The following CAMTA1 variants were observed in gnomAD, a reference collection of about 807,000 sequenced individuals.
CAMTA1 encodes calmodulin-binding transcription activator 1.
CAMTA1 carries 27 observed loss-of-function variants against 170.9 expected under a neutral mutation model. The ratio of observed to expected loss-of-function variants is 0.16; its 90% CI spans 0.12 to 0.22. CAMTA1 has a LOEUF of 0.22. CAMTA1 is among the 10% of genes least tolerant of loss of function. The probability of loss-of-function intolerance (pLI) is 1.00; values close to 1 mark genes in which losing one functional copy is unlikely to be tolerated. For missense variants in CAMTA1, 1,619 were observed against 2,217.2 expected, an observed-to-expected ratio of 0.73 and a Z score of 5.42; for synonymous variants, 833 against 891.5, an observed-to-expected ratio of 0.93 and a Z score of 1.17.
At chr1:7,593,845 C>T (rs1388907173) in intron 6 of CAMTA1, among the ~76,000 whole-genome samples, 1 of 150,124 alleles carries the variant, frequency 6.7e-6, no homozygotes, top group African/African-American at 2.4e-5. Flanking sequence ...AGTTCGAGAG[C>T]AGCCTGGCCA....
chr1:7,173,074 G>A lies in CAMTA1; in HGVS notation c.303-76417G>A, dbSNP rs1002123015. Among the ~76,000 whole-genome samples the A allele has an allele frequency of 6.6e-6, 1 of 152,202 alleles. No homozygotes were observed. Among genetic ancestry groups the A allele is most frequent in the Non-Finnish European group, 1.5e-5 (1 of 68,034 alleles). ...GCGGGAGGCGCAGGGGTGAGGCTCC[G>A]AAGCAAGAGCAGCCAGACGCTGCGT... On this transcript the variant is annotated intron_variant, in intron 4 of 22. Coordinates refer to ENST00000303635, the MANE Select transcript of CAMTA1 (RefSeq NM_015215.4). The surrounding 1 kb of genome is among the most constrained non-coding windows in gnomAD (Gnocchi z 5.4).
chr1:7,265,458 C>A (rs1449264743), intron 5 of CAMTA1, among the ~76,000 whole-genome samples: 1 of 152,066 alleles, frequency 6.6e-6, no homozygotes, highest in Admixed American at 6.5e-5. Context: ...GGATTACAGG[C>A]ACCTGCCACT....
intron 3 of CAMTA1, among the ~76,000 whole-genome samples, chr1:6,956,885 G>A (rs966593994): frequency 3.9e-5 from 6 of 152,186 alleles, no homozygotes; most frequent in Admixed American, 1.3e-4. Context: ...CCCTCATCCC[G>A]AGGAGGCATG....
At chr1:6,794,880 C>CTTTTTTTTTTTTT (rs1305335139) in intron 1 of CAMTA1, among the ~76,000 whole-genome samples, 11 of 141,890 alleles carry the variant, frequency 7.8e-5, no homozygotes, top group East Asian at 4.1e-4. Context: ...TAGATAAAGG[C>CTTTTTTTTTTTTT]TTTTTTTTTG....
intron 3 of CAMTA1, among the ~76,000 whole-genome samples, chr1:6,998,269 A>G (rs1026092552): frequency 4.0e-5 from 6 of 151,424 alleles, no homozygotes; most frequent in Admixed American, 3.3e-4. Context: ...TTTAGTAGAG[A>G]CAGAGTTTCA....
At chr1:7,337,854 C>T (rs931548316) in intron 5 of CAMTA1, among the ~76,000 whole-genome samples, 15 of 152,144 alleles carry the variant, frequency 9.9e-5, no homozygotes, top group Non-Finnish European at 2.1e-4. Context: ...CTCAAGATTA[C>T]AGCATCAACT....
At chr1:6,954,554 C>T (rs534318122) in intron 3 of CAMTA1, among the ~76,000 whole-genome samples, 2 of 152,338 alleles carry the variant, frequency 1.3e-5, no homozygotes, top group South Asian at 4.1e-4. Flanking sequence ...AAGAGTCACT[C>T]TGTCCCAGCC....
chr1:7,601,553 G>A (rs1296976261), intron 6 of CAMTA1, among the ~76,000 whole-genome samples: 1 of 152,254 alleles, frequency 6.6e-6, no homozygotes, highest in Non-Finnish European at 1.5e-5. Flanking sequence ...GCCGGGCAGA[G>A]GCTGCAATCT....
chr1:6,999,038 A>G (rs569985740), intron 3 of CAMTA1, among the ~76,000 whole-genome samples: 5 of 152,284 alleles, frequency 3.3e-5, no homozygotes, highest in African/African-American at 7.2e-5. Flanking sequence ...TCATTTTCCC[A>G]AACTGAAACT....
chr1:7,424,855 TA>T (rs1195031130), intron 5 of CAMTA1, among the ~76,000 whole-genome samples: 4 of 151,976 alleles, frequency 2.6e-5, no homozygotes, highest in Non-Finnish European at 5.9e-5. Flanking sequence ...CACTCTGACA[TA>T]AAGATAATAA....
intron 3 of CAMTA1, among the ~76,000 whole-genome samples, chr1:6,840,791 G>A (rs933334730): frequency 2.6e-5 from 4 of 152,208 alleles, no homozygotes; most frequent in African/African-American, 9.7e-5. Flanking sequence ...ACAGGAGGCT[G>A]CAGGGGAGCC....
At chr1:7,574,353 C>T (rs943402744) in intron 6 of CAMTA1, among the ~76,000 whole-genome samples, 1 of 152,220 alleles carries the variant, frequency 6.6e-6, no homozygotes, top group African/African-American at 2.4e-5. Context: ...GAAGGAAGGG[C>T]AGCCCACTCC....
At chr1:7,388,095 G>A (rs1005987076) in intron 5 of CAMTA1, 15 of 152,122 alleles carry the variant, frequency 9.9e-5, no homozygotes, top group South Asian at 2.1e-4. Context: ...AGCCTTGGGT[G>A]GATGATCACT....
chr1:7,390,042 T>G (rs1056223406), intron 5 of CAMTA1, among the ~76,000 whole-genome samples: 2 of 152,158 alleles, frequency 1.3e-5, no homozygotes, highest in African/African-American at 4.8e-5. Context: ...AATCACTGAT[T>G]CATCTTTACC....
At position 6,887,627 on chromosome 1, in the gene CAMTA1, G is replaced by C. The variant is rs941492442; in HGVS notation, c.234+62417G>C. 6.5e-7 allele frequency: 1 copy of C among 1,532,812 alleles called. No individual in the cohort carries two copies. The highest frequency in any genetic ancestry group is 1.4e-5 in the African/African-American group (1 of 72,892). 95.0% of individuals were successfully genotyped at this position (1,532,812 alleles called of 1,614,324 possible). A position where few individuals can be genotyped will look rare whatever the true frequency, so the allele number is the denominator to read the frequency against. On this transcript the variant is annotated intron_variant, in intron 3 of 22. Transcript: ENST00000303635. This position sits in a 1 kb window ranked among gnomAD's most constrained non-coding sequence, Gnocchi z 4.1. ...AAACAGAAATAGAAGCGACGGTTTTGACCCATTTTACACCTATTTATTTCA... is the reference window on the plus strand; with the variant it reads ...AAACAGAAATAGAAGCGACGGTTTTCACCCATTTTACACCTATTTATTTCA...
At position 7,560,503 on chromosome 1, in the gene CAMTA1, G is replaced by A. The variant is rs149857796; in HGVS notation, c.511-79897G>A. Among the ~76,000 whole-genome samples, 773 of 152,294 alleles carry A rather than the reference G, an allele frequency of 5.1e-3. 8 individuals carry two copies. Among genetic ancestry groups the A allele is most frequent in the African/African-American group, 0.018 (729 of 41,554 alleles). On this transcript the variant is annotated intron_variant, in intron 6 of 22. Transcript: ENST00000303635. ...AATGAGCCATGTAGAAGATGGGATG[G>A]CCAATGTCTCCATCAGGCCCCAAGG...
intron 5 of CAMTA1, among the ~76,000 whole-genome samples, chr1:7,274,396 G>A (rs191730387): frequency 1.6e-4 from 25 of 152,288 alleles, no homozygotes; most frequent in Admixed American, 1.0e-3. Flanking sequence ...GGGTCAGTCC[G>A]TTAGGAAAAC....
chr1:7,655,914 C>T (rs1176379969), intron 7 of CAMTA1, among the ~76,000 whole-genome samples: 1 of 152,172 alleles, frequency 6.6e-6, no homozygotes, highest in African/African-American at 2.4e-5. Flanking sequence ...TGAATGTTTT[C>T]CTCCGAAACT....
chr1:6,913,958 T>A (rs1680235004), intron 3 of CAMTA1, among the ~76,000 whole-genome samples: 1 of 152,058 alleles, frequency 6.6e-6, no homozygotes, highest in South Asian at 2.1e-4. Flanking sequence ...GTAAAGAGGC[T>A]ACAAGGCCAG....
Sources: allele counts gnomAD v4.1 joint callset (sites outside exome capture counted in the v4.1 genomes callset), GRCh38; gene constraint gnomAD v4.1.1; non-coding constraint Gnocchi (gnomAD v3.1); transcripts MANE v1.5; gene names NCBI Gene and HGNC (gene_info 2026-07-23, HGNC 2026-07-21).